Variants in DIAPH2 observed in about 807,000 individuals in gnomAD.
The protein encoded by DIAPH2 is protein diaphanous homolog 2.
DIAPH2 carries 35 observed loss-of-function variants against 92.7 expected under a neutral mutation model. That is an observed-to-expected ratio of 0.38 (90% CI 0.29 to 0.50). DIAPH2 has a LOEUF of 0.50. DIAPH2 is among the 20% of genes least tolerant of loss of function. The pLI is 0.94. For synonymous variants in DIAPH2, 301 were observed against 280.4 expected (o/e 1.07, Z -0.73); for missense variants, 701 against 819.5 (o/e 0.86, Z 1.77).
chrX:97,307,679 C>T (rs1235925090), intron 23 of DIAPH2, among the ~76,000 whole-genome samples: 1 of 109,605 alleles, frequency 9.1e-6, no homozygotes, highest in Non-Finnish European at 1.9e-5. Context: ...GAGGTTGAGG[C>T]GGGTGGATCA....
chrX:96,984,556 C>T (rs774310612), intron 17 of DIAPH2, among the ~76,000 whole-genome samples: 10 of 111,489 alleles, frequency 9.0e-5, no homozygotes, highest in Non-Finnish European at 1.9e-4. Flanking sequence ...TTCATTATCT[C>T]CATTATTTGT....
intron 4 of DIAPH2, among the ~76,000 whole-genome samples, chrX:96,778,483 A>G (rs2064393297): frequency 9.0e-6 from 1 of 110,675 alleles, no homozygotes; most frequent in Non-Finnish European, 1.9e-5. Context: ...ATACTTAAGC[A>G]TGTCTCTCTT....
chrX:97,561,372 A>T (rs1433912217), intron 26 of DIAPH2, among the ~76,000 whole-genome samples: 1 of 112,521 alleles, frequency 8.9e-6, no homozygotes, highest in Non-Finnish European at 1.9e-5. Context: ...ACTCAACAAC[A>T]GTAGTCTACT....
At chrX:97,341,801 C>A (rs2069115660) in intron 23 of DIAPH2, among the ~76,000 whole-genome samples, 1 of 111,628 alleles carries the variant, frequency 9.0e-6, no homozygotes, top group Non-Finnish European at 1.9e-5. Context: ...TGGCCCTCAA[C>A]AAATTGGATC....
intron 25 of DIAPH2, among the ~76,000 whole-genome samples, chrX:97,415,762 T>C (rs1292623805): frequency 9.1e-6 from 1 of 109,447 alleles, no homozygotes; most frequent in African/African-American, 3.3e-5. Flanking sequence ...AAATGACGAG[T>C]TAATGGATGC....
At chrX:97,477,547 G>T (rs2070619328) in intron 26 of DIAPH2, among the ~76,000 whole-genome samples, 1 of 111,745 alleles carries the variant, frequency 8.9e-6, no homozygotes, top group African/African-American at 3.3e-5. Context: ...AGAGGTTGCA[G>T]TGAGCCAAGA....
chrX:97,491,555 C>T (rs776811809), intron 26 of DIAPH2, among the ~76,000 whole-genome samples: 1 of 110,675 alleles, frequency 9.0e-6, no homozygotes, highest in South Asian at 3.9e-4. Context: ...GGACTACAGG[C>T]GTGCACCACC....
rs2070366526 is a variant in DIAPH2 at position 97,452,404 on chromosome X, C to CTGTTCATAAGAAACTTATGAACAGA, written c.3241+22659_3241+22660insTGTTCATAAGAAACTTATGAACAGA. 7.2e-5 allele frequency among the ~76,000 whole-genome samples: 8 copies of CTGTTCATAAGAAACTTATGAACAGA among 111,789 alleles called. No homozygotes were observed. The South Asian group carries it at 3.0e-3, about 42-fold the overall frequency. On this transcript the variant is annotated intron_variant, in intron 26 of 26. Coordinates refer to ENST00000324765, the MANE Select transcript of DIAPH2 (RefSeq NM_006729.5). ...CATGAAACTTATGAACAGAAGCTAT[C>CTGTTCATAAGAAACTTATGAACAGA]AGTGTCTAGGGTTTATCTTCAAATG...
At position 97,166,803 on chromosome X, in the gene DIAPH2, C is replaced by A. The variant is rs1043588632; in HGVS notation, c.2719+25009C>A. Among the ~76,000 whole-genome samples, 16 of 111,781 alleles carry A rather than the reference C, an allele frequency of 1.4e-4. 1 individual carries two copies. Among genetic ancestry groups the A allele is most frequent in the Non-Finnish European group, 3.0e-4 (16 of 53,140 alleles). ...GTCTGTTCTGAGATCCTGTATTCCT[C>A]CCCCTGCTCCAAACGGAACTACTAT... On this transcript the variant is annotated intron_variant, in intron 22 of 26. Coordinates refer to ENST00000324765, the MANE Select transcript of DIAPH2 (RefSeq NM_006729.5).
rs754842745 is a variant in DIAPH2, at chrX:96,746,149, C to A, written c.342+7387C>A. 6.3e-5 allele frequency among the ~76,000 whole-genome samples: 7 copies of A among 111,719 alleles called. No homozygotes were observed. The South Asian group carries it at 2.6e-3, about 42-fold the overall frequency. ...CTCCTAGGCTCAAGACATCCTCCTG[C>A]CTTGGCCTCCAAAGTGCTGGGATTA... On this transcript the variant is annotated intron_variant, in intron 3 of 26. Coordinates refer to ENST00000324765, the MANE Select transcript of DIAPH2 (RefSeq NM_006729.5).
At chrX:96,771,986 G>A (rs1004911257) in intron 4 of DIAPH2, among the ~76,000 whole-genome samples, 14 of 110,573 alleles carry the variant, frequency 1.3e-4, no homozygotes, top group Non-Finnish European at 2.5e-4. Context: ...GCAGTGAGCC[G>A]AGATGGCGCC....
At chrX:97,074,133 G>A (rs957041361) in intron 18 of DIAPH2, among the ~76,000 whole-genome samples, 33 of 112,192 alleles carry the variant, frequency 2.9e-4, no homozygotes, top group African/African-American at 8.4e-4. Flanking sequence ...CGTGCCGGGC[G>A]CGGTGGCTCA....
chrX:96,789,740 A>C (rs993291521), intron 4 of DIAPH2, among the ~76,000 whole-genome samples: 11 of 111,801 alleles, frequency 9.8e-5, no homozygotes, highest in Non-Finnish European at 1.9e-4. Context: ...TGTACCAAAC[A>C]TACCTGATCC....
At chrX:97,161,029 G>T (rs2067366509) in intron 22 of DIAPH2, among the ~76,000 whole-genome samples, 1 of 104,937 alleles carries the variant, frequency 9.5e-6, no homozygotes, top group Admixed American at 1.1e-4. Flanking sequence ...TTCCCTTTAA[G>T]GTTTTTGTTT....
intron 4 of DIAPH2, among the ~76,000 whole-genome samples, chrX:96,835,559 C>T (rs981479994): frequency 2.7e-5 from 3 of 111,905 alleles, no homozygotes; most frequent in Admixed American, 9.4e-5. Context: ...AATGCCAAAT[C>T]GGAAGGAGGA....
At chrX:97,484,028 T>C (rs190208897) in intron 26 of DIAPH2, among the ~76,000 whole-genome samples, 149 of 111,799 alleles carry the variant, frequency 1.3e-3, no homozygotes, top group African/African-American at 4.5e-3. Context: ...CATTATACAA[T>C]GTATACCTAT....
intron 23 of DIAPH2, among the ~76,000 whole-genome samples, chrX:97,328,787 T>C (rs2068973118): frequency 9.0e-6 from 1 of 111,712 alleles, no homozygotes; most frequent in Non-Finnish European, 1.9e-5. Flanking sequence ...ATACTTCTTA[T>C]ATTTCTAGAC....
intron 23 of DIAPH2, chrX:97,341,297 A>G (rs1418793165): frequency 9.1e-6 from 1 of 110,075 alleles, no homozygotes; most frequent in Non-Finnish European, 1.9e-5. Context: ...TGCACCTGTG[A>G]ATAGCCACCA....
At chrX:97,249,702 A>G (rs1437537874) in intron 23 of DIAPH2, among the ~76,000 whole-genome samples, 1 of 111,827 alleles carries the variant, frequency 8.9e-6, no homozygotes, top group Admixed American at 9.5e-5. Flanking sequence ...CATTATATGT[A>G]TGTATATGAG....
Sources: gnomAD v4.1 joint callset for allele counts (sites outside exome capture counted in the v4.1 genomes callset) on GRCh38, gnomAD v4.1.1 for gene constraint, MANE v1.5 for transcripts, NCBI Gene and HGNC (gene_info 2026-07-23, HGNC 2026-07-21) for gene names.